The following GPM6A variants were observed in gnomAD, a reference collection of about 807,000 sequenced individuals.
GPM6A encodes neuronal membrane glycoprotein M6-a.
A neutral mutation model predicts 32.1 loss-of-function variants in GPM6A; 7 were observed. That is an observed-to-expected ratio of 0.22 (90% confidence interval 0.12 to 0.41). GPM6A has a LOEUF of 0.41. Ranked by LOEUF, GPM6A falls within the 10% of genes least tolerant of loss-of-function variation. The pLI is 1.00. For missense variants in GPM6A, 235 were observed against 347.2 expected (o/e 0.68, Z 2.57); for synonymous variants, 130 against 123.4 (o/e 1.05, Z -0.35).
chr4:175,852,237 G>T (rs569636228), intron 1 of GPM6A, among the ~76,000 whole-genome samples: 75 of 152,176 alleles, frequency 4.9e-4, no homozygotes, highest in African/African-American at 1.6e-3. Flanking sequence ...GTGGAAATGT[G>T]TGAGAACCTG....
chr4:175,683,666 ACT>A (rs1743809898), intron 2 of GPM6A, among the ~76,000 whole-genome samples: 2 of 148,466 alleles, frequency 1.3e-5, no homozygotes, highest in South Asian at 2.2e-4. Flanking sequence ...CTCCCCTTTA[ACT>A]CTCTCTCTCT....
chr4:175,877,994 A>G (rs990960052), intron 1 of GPM6A, among the ~76,000 whole-genome samples: 5 of 152,234 alleles, frequency 3.3e-5, no homozygotes, highest in African/African-American at 1.2e-4. Context: ...AGGGGGCTAC[A>G]GGCCCCAGCA....
intron 2 of GPM6A, among the ~76,000 whole-genome samples, chr4:175,686,536 G>A (rs1405655637): frequency 2.0e-5 from 3 of 152,284 alleles, no homozygotes; most frequent in East Asian, 1.9e-4. Context: ...ATGTGAAGAC[G>A]GAGGCAGAGA....
At chr4:175,691,642 C>A (rs1379485885) in intron 2 of GPM6A, among the ~76,000 whole-genome samples, 1 of 152,090 alleles carries the variant, frequency 6.6e-6, no homozygotes, top group Non-Finnish European at 1.5e-5. Context: ...ATATCATGAT[C>A]GATTTTACCA....
intron 1 of GPM6A, among the ~76,000 whole-genome samples, chr4:175,712,266 G>A (rs1046386220): frequency 1.3e-5 from 2 of 152,166 alleles, no homozygotes; most frequent in Non-Finnish European, 2.9e-5. Context: ...GTTTGCTTCT[G>A]GGGCTGAATT....
chr4:175,971,186 G>A (rs1212982161), intron 1 of GPM6A, among the ~76,000 whole-genome samples: 4 of 151,282 alleles, frequency 2.6e-5, no homozygotes, highest in Non-Finnish European at 4.4e-5. Context: ...TAGTGGTTTG[G>A]ATTAAAACTG....
At chr4:175,719,345 T>C (rs2581764) in intron 1 of GPM6A, among the ~76,000 whole-genome samples, 74,146 of 151,696 alleles carry the variant, frequency 0.49, 18,926 homozygotes, top group Middle Eastern at 0.56. Flanking sequence ...ACTACAGGTG[T>C]CTGCCACCAT....
intron 1 of GPM6A, among the ~76,000 whole-genome samples, chr4:175,864,969 C>T (rs1173227845): frequency 1.3e-5 from 2 of 151,964 alleles, no homozygotes; most frequent in Non-Finnish European, 2.9e-5. Context: ...ACCACTACCA[C>T]CGGGCTAATT....
At chr4:175,710,926 G>T (rs1745491024) in intron 1 of GPM6A, among the ~76,000 whole-genome samples, 1 of 151,876 alleles carries the variant, frequency 6.6e-6, no homozygotes, top group Non-Finnish European at 1.5e-5. Context: ...TTCCTAACCT[G>T]TATTACCAGG....
intron 1 of GPM6A, chr4:175,788,182 T>C (rs1276844231): frequency 1.3e-5 from 2 of 152,110 alleles, no homozygotes; most frequent in Non-Finnish European, 2.9e-5. Context: ...AGAGGATGTG[T>C]CTGAATAGGG....
At chr4:175,706,775 C>A (rs1745216267) in intron 1 of GPM6A, among the ~76,000 whole-genome samples, 1 of 152,074 alleles carries the variant, frequency 6.6e-6, no homozygotes, top group African/African-American at 2.4e-5. Context: ...TATTCTAAGT[C>A]ACAGGATGAG....
At chr4:175,927,438 A>G (rs1326521592) in intron 1 of GPM6A, among the ~76,000 whole-genome samples, 2 of 152,244 alleles carry the variant, frequency 1.3e-5, no homozygotes, top group Non-Finnish European at 2.9e-5. Context: ...GATTCCCTGA[A>G]AAGGAAAGCT....
At chr4:175,731,140 C>T (rs991645217) in intron 1 of GPM6A, among the ~76,000 whole-genome samples, 6 of 152,148 alleles carry the variant, frequency 3.9e-5, no homozygotes, top group Non-Finnish European at 8.8e-5. Context: ...AAAGATACCA[C>T]GGCACATCTT....
chr4:175,671,477 G>GAAAAAAAAAAAAAA lies in GPM6A; in HGVS notation c.387+2189_387+2202dup, dbSNP rs544889132. Among the ~76,000 whole-genome samples the GAAAAAAAAAAAAAA allele has an allele frequency of 4.9e-4, 12 of 24,408 alleles. 4 individuals are homozygous for GAAAAAAAAAAAAAA. Among genetic ancestry groups the GAAAAAAAAAAAAAA allele is most frequent in the East Asian group, 5.0e-3 (2 of 400 alleles). 16.0% of individuals were successfully genotyped at this position (24,408 alleles called of 152,430 possible). A position where few individuals can be genotyped will look rare whatever the true frequency, so the allele number is the denominator to read the frequency against. On this transcript the variant is annotated intron_variant, in intron 3 of 6. Transcript: ENST00000393658. ...CGTAAGATACAATCTGCCTACAAAC[G>GAAAAAAAAAAAAAA]AAAAAAAAAAAAAAAAAAAAAAAAA...
At chr4:175,640,954 GA>G in intron 4 of GPM6A, 125 bp from the exon 5 acceptor site, 1 of 638,036 alleles carries the variant, frequency 1.6e-6, no homozygotes, top group Non-Finnish European at 2.8e-6. Context: ...TGTTACAGTG[GA>G]AAAATAATCT....
intron 1 of GPM6A, among the ~76,000 whole-genome samples, chr4:175,880,985 T>A: frequency 6.6e-6 from 1 of 152,032 alleles, no homozygotes. Context: ...AAGCCAAAAC[T>A]GACAAATGGG....
intron 1 of GPM6A, among the ~76,000 whole-genome samples, chr4:175,851,868 T>C (rs1736269310): frequency 6.6e-6 from 1 of 152,180 alleles, no homozygotes; most frequent in African/African-American, 2.4e-5. Flanking sequence ...TAGTTTCCAG[T>C]AAAACCTGTT....
chr4:175,754,538 C>T (rs1388048298), intron 1 of GPM6A, among the ~76,000 whole-genome samples: 2 of 152,096 alleles, frequency 1.3e-5, no homozygotes, highest in Non-Finnish European at 2.9e-5. Context: ...AAGCTCTAAC[C>T]TAAGTAGGAA....
intron 1 of GPM6A, among the ~76,000 whole-genome samples, chr4:175,929,901 AG>A: frequency 6.6e-6 from 1 of 152,290 alleles, no homozygotes; most frequent in South Asian, 2.1e-4. Context: ...ATGATCTCTC[AG>A]ATACATCACA....
Sources: gnomAD v4.1 joint callset for allele counts (sites outside exome capture counted in the v4.1 genomes callset) on GRCh38, gnomAD v4.1.1 for gene constraint, MANE v1.5 for transcripts, NCBI Gene and HGNC (gene_info 2026-07-23, HGNC 2026-07-21) for gene names.